Variants in RARG observed in about 807,000 individuals in gnomAD.
The protein encoded by RARG is RAR-gamma.
Under a neutral mutation model 43.7 loss-of-function variants are expected in RARG, and 17 were observed. The observed-to-expected ratio is 0.39, with a 90% CI of 0.27 to 0.58. The LOEUF (loss-of-function observed/expected upper bound fraction) is 0.58, where lower values mean the gene tolerates loss of function less well. Ranked by LOEUF, RARG falls within the 20% of genes least tolerant of loss-of-function variation. The pLI is 0.57. For missense variants in RARG, 346 were observed against 598.7 expected, an observed-to-expected ratio of 0.58 and a Z score of 4.40; for synonymous variants, 238 against 236.4, an observed-to-expected ratio of 1.01 and a Z score of -0.06.
At chr12:53,220,708 G>C (rs1031080106) in intron 3 of RARG, among the ~76,000 whole-genome samples, 1 of 152,186 alleles carries the variant, frequency 6.6e-6, no homozygotes, top group South Asian at 2.1e-4. Context: ...TGAGGCGCGT[G>C]CCCAGGTCGG....
rs1057429332 is a variant in RARG, at chr12:53,214,510, G to C, written c.572C>G (p.Thr191Ser). The C allele has an allele frequency of 1.9e-6, 3 of 1,613,986 alleles. No individual in the cohort carries two copies. Among genetic ancestry groups the C allele is most frequent in the Non-Finnish European group, 1.7e-6 (2 of 1,179,852 alleles). Residue 191 changes from threonine to serine, a missense_variant, in exon 6 of 10, where the codon ACC (threonine) becomes AGC (serine). Physicochemically the swap from Thr to Ser is moderately conservative, Grantham distance 58. This residue lies in a region of RARG where 67 missense variants were observed against 79.6 expected (regional missense o/e 0.84). Coordinates refer to ENST00000425354, the MANE Select transcript of RARG (RefSeq NM_000966.6). ...ELSPQLEELI[T>S]KVSKAHQETF... Reference sequence around the variant, plus strand: ...CTCCTGATGGGCTTTGCTGACCTTGGTGATGAGCTCTTCTAACTGAGGGCT... The same window carrying C: ...CTCCTGATGGGCTTTGCTGACCTTGCTGATGAGCTCTTCTAACTGAGGGCT...
intron 9 of RARG, among the ~76,000 whole-genome samples, chr12:53,212,251 T>G (rs1041095133): frequency 2.2e-4 from 34 of 152,256 alleles, no homozygotes; most frequent in Admixed American, 2.2e-3. Flanking sequence ...TCAAACACTA[T>G]GTTCCAGACA....
chr12:53,215,766 C>T lies in RARG; in HGVS notation c.213G>A (p.Glu71=), dbSNP rs2120631392. The T allele has an allele frequency of 6.2e-7, 1 of 1,611,704 alleles. No homozygotes were observed. The highest frequency in any genetic ancestry group is 8.5e-7 in the Non-Finnish European group (1 of 1,179,118). ...GCGAGGGCGAGCTGGGCACCATCTC[C>T]TCTGAGCTGGTGCTCTGTGTCTCCA... ...LSVETQSTSS[E]EMVPSSPSPP... Residue 71 remains glutamate (E), a synonymous_variant, in exon 4 of 10, where the codon GAG becomes GAA. Coordinates refer to ENST00000425354, the MANE Select transcript of RARG (RefSeq NM_000966.6). This position sits in a 1 kb window ranked among gnomAD's most constrained non-coding sequence, Gnocchi z 6.4.
Position 53,215,871 on chromosome 12 carries a change from C to T in RARG, c.185-77G>A. On this transcript the variant is annotated intron_variant, in intron 3 of 9. Transcript: ENST00000425354. The surrounding 1 kb of genome is among the most constrained non-coding windows in gnomAD (Gnocchi z 6.4). The stretch of plus-strand genomic sequence containing the variant: ...TCCAGGCTTCCTCATCACACACACC[C>T]CATGTGCATTTGTTCCTTGGCCCAC... The T allele has an allele frequency of 2.1e-6, 3 of 1,434,352 alleles. No homozygotes were observed. The Admixed American group carries it at 7.1e-5, about 34-fold the overall frequency. The allele number at this position is 1,434,352 out of a possible 1,614,324, so 88.9% of individuals were successfully genotyped here.
chr12:53,216,630 T>C (rs1265640988), intron 3 of RARG, among the ~76,000 whole-genome samples: 1 of 151,926 alleles, frequency 6.6e-6, no homozygotes, highest in Non-Finnish European at 1.5e-5. Context: ...CTGGAAGCCG[T>C]TGGAGGTGTA....
intron 3 of RARG, among the ~76,000 whole-genome samples, chr12:53,220,876 A>C (rs2120685732): frequency 6.6e-6 from 1 of 152,206 alleles, no homozygotes; most frequent in African/African-American, 2.4e-5. Flanking sequence ...TGCTCTCCTG[A>C]GGCTCGGGAC....
chr12:53,231,955 G>C lies in RARG; in HGVS notation c.-210+19C>G. 1 of 395,972 alleles carries C rather than the reference G, an allele frequency of 2.5e-6. No individual in the cohort carries two copies. Among genetic ancestry groups the C allele is most frequent in the Non-Finnish European group, 4.4e-6 (1 of 224,832 alleles). The allele number at this position is 395,972 out of a possible 1,614,324, so 24.5% of individuals were successfully genotyped here. A position where few individuals can be genotyped will look rare whatever the true frequency, so the allele number is the denominator to read the frequency against. On this transcript the variant is annotated intron_variant, in intron 1 of 9. Coordinates refer to ENST00000425354, the MANE Select transcript of RARG (RefSeq NM_000966.6). Reference sequence around the variant, plus strand: ...CCCAGGCGACGGGGCGGGCGAGCCTGCTTCCCCGCCTGACTCACCTGGAGT... The same window carrying C: ...CCCAGGCGACGGGGCGGGCGAGCCTCCTTCCCCGCCTGACTCACCTGGAGT...
chr12:53,230,519 C>A (rs1173527146), intron 2 of RARG, among the ~76,000 whole-genome samples: 1 of 152,168 alleles, frequency 6.6e-6, no homozygotes, highest in Non-Finnish European at 1.5e-5. Context: ...GGGCCCCCAG[C>A]CTGCTCCCCA....
chr12:53,224,065 A>G (rs1363022721), intron 3 of RARG, among the ~76,000 whole-genome samples: 1 of 152,202 alleles, frequency 6.6e-6, no homozygotes, highest in Non-Finnish European at 1.5e-5. Flanking sequence ...ACATAGAGAT[A>G]CATAGGGACA....
In RARG at chr12:53,211,760, C is replaced by G. The variant is rs778173777; in HGVS notation, c.1281G>C (p.Ser427=). The change falls in exon 10 of 10, where the codon TCG becomes TCC. Residue 427 remains serine (S), a synonymous_variant. Transcript: ENST00000425354. This position sits in a 1 kb window ranked among gnomAD's most constrained non-coding sequence, Gnocchi z 4.6. ...AGGCATTGGGGTGGGGACCAGGCTG[C>G]GAGGAGTCATCCTCAAACATTTCAG... is the stretch of plus-strand genomic sequence containing the variant. ...ENPEMFEDDS[S]QPGPHPNASS... 6.4e-7 allele frequency: 1 copy of G among 1,568,536 alleles called. No homozygotes were observed. Among genetic ancestry groups the G allele is most frequent in the South Asian group, 1.2e-5 (1 of 85,536 alleles).
chr12:53,212,906 A>G (rs1463765968), intron 9 of RARG, among the ~76,000 whole-genome samples, 179 bp downstream of exon 9: 1 of 152,182 alleles, frequency 6.6e-6, no homozygotes, highest in Non-Finnish European at 1.5e-5. Flanking sequence ...TCTACTGGAC[A>G]GTACTGGTTT....
In RARG at chr12:53,215,339, C is replaced by T. The variant is rs62638739; in HGVS notation, c.429G>A (p.Gln143=). The change falls in exon 5 of 10, where the codon CAG becomes CAA. Residue 143 remains glutamine, a synonymous_variant. Coordinates refer to ENST00000425354, the MANE Select transcript of RARG (RefSeq NM_000966.6). This position sits in a 1 kb window ranked among gnomAD's most constrained non-coding sequence, Gnocchi z 6.4. Reference sequence around the variant, plus strand: ...CGAAGCACTTCTGTAGCCGGCAGTACTGGCAGCGATTCCTGGTCACCTTGT... The same window carrying T: ...CGAAGCACTTCTGTAGCCGGCAGTATTGGCAGCGATTCCTGGTCACCTTGT... ...IINKVTRNRC[Q]YCRLQKCFEV... is the part of the protein sequence containing the mutation. 1.3e-3 allele frequency: 2,110 copies of T among 1,614,156 alleles called. 27 individuals carry two copies. In the African/African-American group the frequency reaches 0.025, roughly 19 times the overall value.
chr12:53,230,049 C>A (rs77888058), intron 2 of RARG: 8 of 897,468 alleles, frequency 8.9e-6, no homozygotes, highest in African/African-American at 1.8e-5. Context: ...TTGGTTCTGT[C>A]GTGGCTGGGA....
intron 2 of RARG, among the ~76,000 whole-genome samples, chr12:53,229,662 C>CCCTG (rs1271748191): frequency 6.6e-6 from 1 of 152,166 alleles, no homozygotes; most frequent in Non-Finnish European, 1.5e-5. Flanking sequence ...GTTTGGGGGC[C>CCCTG]CCTGAGGCCC....
chr12:53,215,632 C>G lies in RARG; in HGVS notation c.333+14G>C. 1 of 1,608,138 alleles carries G rather than the reference C, an allele frequency of 6.2e-7. No individual in the cohort carries two copies. The highest frequency in any genetic ancestry group is 2.2e-5 in the East Asian group (1 of 44,800). On this transcript the variant is annotated intron_variant, in intron 4 of 9. Coordinates refer to ENST00000425354, the MANE Select transcript of RARG (RefSeq NM_000966.6). The surrounding 1 kb of genome is among the most constrained non-coding windows in gnomAD (Gnocchi z 6.4). ...ACTGGATCCCCCGTCTGCCCACTCCCACCACGTACACACCTTGCAGCCTTC... is the reference window on the plus strand; with the variant it reads ...ACTGGATCCCCCGTCTGCCCACTCCGACCACGTACACACCTTGCAGCCTTC...
In RARG at chr12:53,211,697, C is replaced by T. The variant is rs369455148; in HGVS notation, c.1344G>A (p.Gly448=). ...EDEVPGGQGK[G]GLKSPA ...CTGGTCAGGCTGGGGACTTCAGGCC[C>T]CCTTTGCCCTGGCCCCCAGGAACCT... Residue 448 remains glycine, a synonymous_variant, in exon 10 of 10, where the codon GGG becomes GGA. Coordinates refer to ENST00000425354, the MANE Select transcript of RARG (RefSeq NM_000966.6). This position sits in a 1 kb window ranked among gnomAD's most constrained non-coding sequence, Gnocchi z 4.6. 67 of 1,541,900 alleles carry T rather than the reference C, an allele frequency of 4.3e-5. No homozygotes were observed. Among genetic ancestry groups the T allele is most frequent in the Non-Finnish European group, 5.5e-5 (63 of 1,146,274 alleles).
intron 2 of RARG, among the ~76,000 whole-genome samples, chr12:53,229,455 C>G (rs1354704638): frequency 6.6e-6 from 1 of 152,172 alleles, no homozygotes; most frequent in East Asian, 1.9e-4. Context: ...TCACATTTCA[C>G]TCAGCCCTTA....
intron 2 of RARG, chr12:53,229,943 G>A (rs796805892): frequency 4.1e-6 from 4 of 974,558 alleles, no homozygotes; most frequent in African/African-American, 3.5e-5. Context: ...GCCAATGAGA[G>A]TTGTCCTTGG....
chr12:53,213,881 G>A lies in RARG; in HGVS notation c.813+178C>T. 1 of 1,060,116 alleles carries A rather than the reference G, an allele frequency of 9.4e-7. No homozygotes were observed. The highest frequency in any genetic ancestry group is 1.4e-6 in the Non-Finnish European group (1 of 724,262). 65.7% of individuals were successfully genotyped at this position (1,060,116 alleles called of 1,614,324 possible). On this transcript the variant is annotated intron_variant, in intron 7 of 9. Coordinates refer to ENST00000425354, the MANE Select transcript of RARG (RefSeq NM_000966.6). The surrounding 1 kb of genome is among the most constrained non-coding windows in gnomAD (Gnocchi z 4.7). ...GTCCCGGGAAGTCAGGAGGAGACAG[G>A]GCATCCAAAAGTCTAGGATCAGGTC...
Sources: gnomAD v4.1 joint callset for allele counts (sites outside exome capture counted in the v4.1 genomes callset) on GRCh38, gnomAD v4.1.1 for gene constraint, gnomAD v4.1.1 regional missense constraint, Gnocchi (gnomAD v3.1) non-coding constraint, MANE v1.5 for transcripts, NCBI Gene and HGNC (gene_info 2026-07-23, HGNC 2026-07-21) for gene names.